The following SMC1B variants were observed in gnomAD, a reference collection of about 807,000 sequenced individuals.
SMC1B encodes the protein structural maintenance of chromosomes 1B.
In SMC1B, 60 loss-of-function variants were observed where a neutral mutation model predicts 157.9. The ratio of observed to expected loss-of-function variants is 0.38; its 90% CI spans 0.31 to 0.47. SMC1B has a LOEUF of 0.47. SMC1B is among the 20% of genes least tolerant of loss of function. The probability of loss-of-function intolerance (pLI) is 0.99; values close to 1 mark genes in which losing one functional copy is unlikely to be tolerated. For synonymous variants in SMC1B, 445 were observed against 483.0 expected (o/e 0.92, Z 1.03); for missense variants, 1,165 against 1,426.2 (o/e 0.82, Z 2.95).
At chr22:45,356,689 C>A (rs1048134668) in intron 19 of SMC1B, among the ~76,000 whole-genome samples, 3 of 151,266 alleles carry the variant, frequency 2.0e-5, no homozygotes, top group African/African-American at 7.3e-5. Flanking sequence ...TATCTCCCCA[C>A]GGAGTTGCTA....
At chr22:45,363,074 T>A in intron 15 of SMC1B, 48 bp from the exon 16 acceptor site, 1 of 1,326,938 alleles carries the variant, frequency 7.5e-7, no homozygotes, top group East Asian at 2.6e-5. Flanking sequence ...AAAACTTTGA[T>A]TCCTTCTTTT....
At chr22:45,400,781 AG>A (rs1394232206) in intron 5 of SMC1B, among the ~76,000 whole-genome samples, 4 of 152,240 alleles carry the variant, frequency 2.6e-5, no homozygotes, top group Admixed American at 6.5e-5. Flanking sequence ...CACATGATAT[AG>A]TACATGATAA....
intron 14 of SMC1B, 77 bp from the exon 15 acceptor site, chr22:45,370,137 C>A: frequency 1.2e-6 from 1 of 846,340 alleles, no homozygotes; most frequent in Non-Finnish European, 1.7e-6. Flanking sequence ...TTTTTCCCTC[C>A]AAGATTTTCC....
Position 45,389,565 on chromosome 22 carries a change from A to ATT in SMC1B, c.1731+145_1731+146dup, listed in dbSNP as rs2087032855. The stretch of plus-strand genomic sequence containing the variant: ...GATATTATTCTTTGCTTGCCAATAT[A>ATT]TTTAACACCAGCCATTAAAATGATT... On this transcript the variant is annotated intron_variant, in intron 10 of 24. Transcript: ENST00000357450. 7.8e-6 allele frequency: 5 copies of ATT among 641,736 alleles called. No homozygotes were observed. In the South Asian group the frequency reaches 1.0e-4, roughly 13 times the overall value. The allele number at this position is 641,736 out of a possible 1,614,324, so 39.8% of individuals were successfully genotyped here.
At position 45,393,802 on chromosome 22, in the gene SMC1B, T is replaced by C. The variant is rs1241770082; in HGVS notation, c.1377A>G (p.Leu459=). ...LKEKKQQEET[L]VDEIEKTKSR... ...ATTTTGTTTTTTCAATTTCATCCAC[T>C]AGGGTTTCCTCTTGCTGTTTTTTCT... The change falls in exon 9 of 25, where the codon CTA becomes CTG. Residue 459 remains leucine (L), a synonymous_variant. Transcript: ENST00000357450. The C allele has an allele frequency of 6.2e-7, 1 of 1,612,986 alleles. No homozygotes were observed. Among genetic ancestry groups the C allele is most frequent in the Non-Finnish European group, 8.5e-7 (1 of 1,179,272 alleles).
intron 6 of SMC1B, among the ~76,000 whole-genome samples, chr22:45,398,826 T>C (rs988895960): frequency 1.3e-5 from 2 of 151,924 alleles, no homozygotes; most frequent in African/African-American, 4.8e-5. Context: ...CGAAACTCCA[T>C]CTCAAAAACA....
intron 21 of SMC1B, 21 bp downstream of exon 21, chr22:45,353,957 T>C (rs2086643652): frequency 7.1e-7 from 1 of 1,415,438 alleles, no homozygotes; most frequent in Non-Finnish European, 9.4e-7. Flanking sequence ...TCACTAGTAT[T>C]TGAGGATGAA....
At chr22:45,378,172 A>G (rs755660991) in intron 12 of SMC1B, among the ~76,000 whole-genome samples, 2 of 152,122 alleles carry the variant, frequency 1.3e-5, no homozygotes, top group Non-Finnish European at 2.9e-5. Flanking sequence ...CTCAAAGATA[A>G]TGGTAGGAAG....
At chr22:45,375,913 A>G (rs950599301) in intron 12 of SMC1B, among the ~76,000 whole-genome samples, 4 of 152,160 alleles carry the variant, frequency 2.6e-5, no homozygotes, top group African/African-American at 9.7e-5. Context: ...ATTTTATATT[A>G]AAGTTATACT....
In SMC1B at chr22:45,353,981, G is replaced by T. The variant is rs200420656; in HGVS notation, c.3270C>A (p.Ala1090=). 6.5e-7 allele frequency: 1 copy of T among 1,547,338 alleles called. No individual in the cohort carries two copies. Among genetic ancestry groups the T allele is most frequent in the Non-Finnish European group, 8.7e-7 (1 of 1,145,350 alleles). The change falls in exon 21 of 25, where the codon GCC becomes GCA. Residue 1090 remains alanine (A), a synonymous_variant. Transcript: ENST00000357450. ...IYKKLCRNNS[A]QAFLSPENPE... Reference sequence around the variant, plus strand: ...TTTGAGGATGAAAGATACATACTTGGGCGCTGTTGTTTCTGCAGAGCTTCT... The same window carrying T: ...TTTGAGGATGAAAGATACATACTTGTGCGCTGTTGTTTCTGCAGAGCTTCT...
chr22:45,381,098 A>C (rs570154091), intron 12 of SMC1B, among the ~76,000 whole-genome samples: 60 of 152,058 alleles, frequency 3.9e-4, no homozygotes, highest in African/African-American at 1.4e-3. Flanking sequence ...GCCTGGCCAG[A>C]AGTACGTTTT....
chr22:45,392,772 C>G (rs1408356371), intron 9 of SMC1B, among the ~76,000 whole-genome samples: 1 of 152,086 alleles, frequency 6.6e-6, no homozygotes, highest in Non-Finnish European at 1.5e-5. Context: ...GTGATCTCAG[C>G]TCACTGCAAA....
intron 6 of SMC1B, 51 bp from the exon 7 acceptor site, chr22:45,396,537 G>C (rs758049367): frequency 2.6e-6 from 4 of 1,524,898 alleles, no homozygotes; most frequent in Non-Finnish European, 3.5e-6. Context: ...AAGCATGAGA[G>C]CAAATTTCTT....
At chr22:45,401,917 G>A (rs1209191079) in intron 5 of SMC1B, among the ~76,000 whole-genome samples, 2 of 150,964 alleles carry the variant, frequency 1.3e-5, no homozygotes, top group African/African-American at 4.9e-5. Context: ...GGAGTCTCAC[G>A]CTGTTGCCCA....
intron 9 of SMC1B, among the ~76,000 whole-genome samples, chr22:45,390,482 C>G (rs1028869921): frequency 6.6e-6 from 1 of 151,776 alleles, no homozygotes; most frequent in Non-Finnish European, 1.5e-5. Context: ...CCGAGGCGGG[C>G]AGATCATGGG....
In SMC1B at chr22:45,344,280, A is replaced by C. The variant is rs2086527568; in HGVS notation, c.*276T>G. 1 of 217,092 alleles carries C rather than the reference A, an allele frequency of 4.6e-6. No individual in the cohort carries two copies. Among genetic ancestry groups the C allele is most frequent in the Admixed American group, 5.7e-5 (1 of 17,412 alleles). The allele number at this position is 217,092 out of a possible 1,614,324, so 13.4% of individuals were successfully genotyped here. A position where few individuals can be genotyped will look rare whatever the true frequency, so the allele number is the denominator to read the frequency against. ...TTTTCCAACCAAACTAGCTTATTTCAAAATAGAAGTTAGAATTATAGTACA... is the reference window on the plus strand; with the variant it reads ...TTTTCCAACCAAACTAGCTTATTTCCAAATAGAAGTTAGAATTATAGTACA... On this transcript the variant is annotated 3_prime_UTR_variant, in exon 25 of 25. Coordinates refer to ENST00000357450, the MANE Select transcript of SMC1B (RefSeq NM_148674.5).
At chr22:45,391,147 C>T (rs898536498) in intron 9 of SMC1B, among the ~76,000 whole-genome samples, 8 of 151,842 alleles carry the variant, frequency 5.3e-5, no homozygotes, top group African/African-American at 1.9e-4. Context: ...CCTCAGCCTC[C>T]GAGTAGCTGA....
chr22:45,409,609 T>A (rs201842282), intron 1 of SMC1B, among the ~76,000 whole-genome samples: 545 of 84,272 alleles, frequency 6.5e-3, no homozygotes, highest in South Asian at 0.015. Flanking sequence ...AATAAATAAA[T>A]AAAAACAAGA....
intron 12 of SMC1B, among the ~76,000 whole-genome samples, chr22:45,374,058 G>C (rs2086860159): frequency 6.9e-6 from 1 of 144,374 alleles, no homozygotes; most frequent in Non-Finnish European, 1.5e-5. Context: ...GAAAATAAGA[G>C]AGAAGTAAAG....
Sources: gnomAD v4.1 joint callset for allele counts (sites outside exome capture counted in the v4.1 genomes callset) on GRCh38, gnomAD v4.1.1 for gene constraint, MANE v1.5 for transcripts, NCBI Gene and HGNC (gene_info 2026-07-23, HGNC 2026-07-21) for gene names.